UNC13C: variants seen among roughly 807,000 people sequenced by gnomAD.
UNC13C encodes the protein protein unc-13 homolog C.
In UNC13C, 174 loss-of-function variants were observed where a neutral mutation model predicts 245.4. That is an observed-to-expected ratio of 0.71 (90% confidence interval 0.63 to 0.80). The LOEUF (loss-of-function observed/expected upper bound fraction) is 0.80, where lower values mean the gene tolerates loss of function less well. UNC13C is among the 30% of genes least tolerant of loss of function. UNC13C has a pLI of 0.00. For missense variants in UNC13C, 2,829 were observed against 2,602.9 expected (o/e 1.09, Z -1.89); for synonymous variants, 992 against 895.1 (o/e 1.11, Z -1.93).
intron 14 of UNC13C, among the ~76,000 whole-genome samples, chr15:54,330,558 GAGATA>G (rs2038411924): frequency 6.6e-6 from 1 of 152,102 alleles, no homozygotes; most frequent in Non-Finnish European, 1.5e-5. Flanking sequence ...GCCAATCACA[GAGATA>G]AGATAAGGCA....
At chr15:53,840,269 A>G in the UNC13C span, among the ~76,000 whole-genome samples, 1 of 152,170 alleles carries the variant, frequency 6.6e-6, no homozygotes, top group Non-Finnish European at 1.5e-5. Context: ...AGACTGCACT[A>G]TATGCCTGAG....
At position 54,000,877 on chromosome 15, in the gene UNC13C, C is replaced by T. The variant is rs138365358; in HGVS notation, c.-256-11771C>T. On this transcript the variant is annotated intron_variant, in intron 1 of 32. Coordinates refer to ENST00000260323, the MANE Select transcript of UNC13C (RefSeq NM_001080534.3). The stretch of plus-strand genomic sequence containing the variant: ...GCAATATTCCTAGTTTCTTGTTATA[C>T]GTATATTTAATGTAATTTTAGCAAA... Among the ~76,000 whole-genome samples the T allele has an allele frequency of 4.7e-3, 722 of 152,168 alleles. 5 individuals carry two copies. Among genetic ancestry groups the T allele is most frequent in the Middle Eastern group, 0.017 (5 of 292 alleles).
intron 2 of UNC13C, among the ~76,000 whole-genome samples, chr15:54,122,361 A>C (rs888014110): frequency 6.6e-6 from 1 of 152,082 alleles, no homozygotes; most frequent in Non-Finnish European, 1.5e-5. Context: ...GTAGTTGTGA[A>C]TAAATGTTTA....
At chr15:54,288,076 A>C (rs1196106746) in intron 10 of UNC13C, among the ~76,000 whole-genome samples, 5 of 152,182 alleles carry the variant, frequency 3.3e-5, no homozygotes, top group Non-Finnish European at 7.3e-5. Context: ...GAGAGAAAAG[A>C]AAATAGGATG....
chr15:54,384,822 T>C (rs1036713762), intron 17 of UNC13C, among the ~76,000 whole-genome samples: 2 of 151,842 alleles, frequency 1.3e-5, no homozygotes, highest in African/African-American at 4.8e-5. Context: ...TAGTAAAAAA[T>C]AATAATTCTA....
rs550407541 is a variant in UNC13C at position 54,365,425 on chromosome 15, A to T, written c.4713+26936A>T. On this transcript the variant is annotated intron_variant, in intron 17 of 32. Coordinates refer to ENST00000260323, the MANE Select transcript of UNC13C (RefSeq NM_001080534.3). ...TATGATTGATATATTTAAAAACTGT[A>T]CATATTCAGTCTATACAACTTGATA... Among the ~76,000 whole-genome samples the T allele has an allele frequency of 3.9e-5, 6 of 152,242 alleles. No individual in the cohort carries two copies. The East Asian group carries it at 5.8e-4, about 15-fold the overall frequency.
intron 15 of UNC13C, 31 bp from the exon 16 acceptor site, chr15:54,333,736 A>C: frequency 1.4e-6 from 2 of 1,479,614 alleles, no homozygotes; most frequent in Non-Finnish European, 1.9e-6. Context: ...ACTGCTGACA[A>C]CCTTATCCAT....
chr15:54,399,632 AT>A (rs2040141384), intron 18 of UNC13C, among the ~76,000 whole-genome samples: 1 of 151,816 alleles, frequency 6.6e-6, no homozygotes, highest in African/African-American at 2.4e-5. Context: ...AGCAGAAAGT[AT>A]CTCAATGTAT....
chr15:54,616,611 A>T (rs1293133774), intron 30 of UNC13C, among the ~76,000 whole-genome samples: 1 of 152,110 alleles, frequency 6.6e-6, no homozygotes, highest in Non-Finnish European at 1.5e-5. Context: ...AAAAAATTTT[A>T]CAGAATAAGG....
At position 54,264,348 on chromosome 15, in the gene UNC13C, G is replaced by A. The variant is rs761479111; in HGVS notation, c.3629G>A (p.Ser1210Asn). Residue 1210 changes from serine to asparagine, a missense_variant, in exon 9 of 33, where the codon AGT becomes AAT. Transcript: ENST00000260323. ...CAGTTTACAAAGGCGGCCAAACAGA[G>A]TGTACTGGATGGGACATCTAAGTGG... ...FVQFTKAAKQ[S>N]VLDGTSKWSA... is the part of the protein sequence containing the mutation. 2 of 1,606,026 alleles carry A rather than the reference G, an allele frequency of 1.2e-6. No individual in the cohort carries two copies. Among genetic ancestry groups the A allele is most frequent in the Non-Finnish European group, 1.7e-6 (2 of 1,175,968 alleles).
At chr15:54,452,883 G>A (rs1374081372) in intron 19 of UNC13C, among the ~76,000 whole-genome samples, 1 of 152,136 alleles carries the variant, frequency 6.6e-6, no homozygotes. Flanking sequence ...GGAAAATAGA[G>A]TTGCTGCCAG....
chr15:53,977,923 C>T (rs945558022), upstream of UNC13C, among the ~76,000 whole-genome samples: 1 of 152,160 alleles, frequency 6.6e-6, no homozygotes, highest in African/African-American at 2.4e-5. Flanking sequence ...TGAAATTGTT[C>T]AGGAATCACC....
chr15:53,894,393 C>T, the UNC13C span, among the ~76,000 whole-genome samples: 2 of 152,312 alleles, frequency 1.3e-5, no homozygotes, highest in East Asian at 3.9e-4. Context: ...TTGGCAGACA[C>T]CGTAGGTTGG....
At chr15:54,236,838 C>T (rs2140832959) in intron 6 of UNC13C, among the ~76,000 whole-genome samples, 1 of 152,254 alleles carries the variant, frequency 6.6e-6, no homozygotes, top group South Asian at 2.1e-4. Flanking sequence ...AGATGGGTCT[C>T]AGGTGATCAA....
intron 4 of UNC13C, among the ~76,000 whole-genome samples, chr15:54,169,886 C>G (rs995971346): frequency 2.0e-5 from 3 of 152,106 alleles, no homozygotes; most frequent in Non-Finnish European, 2.9e-5. Context: ...CTTCAGGGAA[C>G]ATTTCGCAGT....
At chr15:53,984,324 A>G (rs902705711) in intron 1 of UNC13C, among the ~76,000 whole-genome samples, 2 of 152,136 alleles carry the variant, frequency 1.3e-5, no homozygotes, top group Non-Finnish European at 2.9e-5. Flanking sequence ...GACATTTTAT[A>G]CAATTCCACA....
chr15:54,301,892 T>C (rs1018201807), intron 13 of UNC13C, among the ~76,000 whole-genome samples: 2 of 152,218 alleles, frequency 1.3e-5, no homozygotes, highest in Admixed American at 6.5e-5. Context: ...TGAACTAATT[T>C]ACACTCTCAT....
intron 28 of UNC13C, among the ~76,000 whole-genome samples, chr15:54,551,951 TC>T (rs1414096592): frequency 6.6e-6 from 1 of 151,496 alleles, no homozygotes; most frequent in East Asian, 1.9e-4. Context: ...AAACTATGGG[TC>T]TTTAAATTTT....
In UNC13C at chr15:54,563,079, T is replaced by C. The variant is rs1023967976; in HGVS notation, c.5959-4721T>C. On this transcript the variant is annotated intron_variant, in intron 29 of 32. Transcript: ENST00000260323. The stretch of plus-strand genomic sequence containing the variant: ...CACATCACCCCTATTCTGTACTTTG[T>C]GGTAAACATGAATATTGATATGTAT... 1.3e-4 allele frequency among the ~76,000 whole-genome samples: 20 copies of C among 152,072 alleles called. 1 individual carries two copies. The highest frequency in any genetic ancestry group is 1.0e-3 in the Admixed American group (16 of 15,242).
Sources: allele counts gnomAD v4.1 joint callset (sites outside exome capture counted in the v4.1 genomes callset), GRCh38; gene constraint gnomAD v4.1.1; transcripts MANE v1.5; gene names NCBI Gene and HGNC (gene_info 2026-07-23, HGNC 2026-07-21).